PI16: variants seen among roughly 807,000 people sequenced by gnomAD.
PI16 encodes the protein peptidase inhibitor 16.
In PI16, 35 loss-of-function variants were observed where a neutral mutation model predicts 38.0. The observed-to-expected ratio is 0.92, with a 90% CI of 0.70 to 1.22. The LOEUF is 1.22. PI16 is among the 50% of genes most tolerant of loss of function. The pLI is 0.00. For missense variants in PI16, 572 were observed against 593.8 expected, an observed-to-expected ratio of 0.96 and a Z score of 0.38; for synonymous variants, 275 against 252.9, an observed-to-expected ratio of 1.09 and a Z score of -0.83.
intron 1 of PI16, among the ~76,000 whole-genome samples, chr6:36,956,970 C>T (rs1455251663): frequency 1.3e-5 from 2 of 152,180 alleles, no homozygotes; most frequent in South Asian, 2.1e-4. Context: ...CCCCTACCCC[C>T]TTCTCTTTTC....
Position 36,963,768 on chromosome 6 carries a change from G to A in PI16, c.1271-55G>A, listed in dbSNP as rs1763438675. The A allele has an allele frequency of 3.3e-6, 5 of 1,535,814 alleles. 1 individual carries two copies. The highest frequency in any genetic ancestry group is 2.5e-5 in the South Asian group (2 of 79,002). ...CACCTCCTTGCATGGTGGGGTGGGC[G>A]GGACATCAGGCACAGCTGTCTCTAG... On this transcript the variant is annotated intron_variant, in intron 5 of 6. Transcript: ENST00000373674.
intron 3 of PI16, 21 bp from the exon 4 acceptor site, chr6:36,961,865 C>T: frequency 3.1e-6 from 5 of 1,600,290 alleles, no homozygotes; most frequent in Non-Finnish European, 4.3e-6. Flanking sequence ...CTCCCCGCAG[C>T]ATCCTCCTGA....
At chr6:36,950,547 CT>C (rs147981491), upstream of PI16, among the ~76,000 whole-genome samples, 322 of 144,758 alleles carry the variant, frequency 2.2e-3, 1 homozygote, top group East Asian at 0.013. This position sits in a 1 kb window ranked among gnomAD's most constrained non-coding sequence, Gnocchi z 4.2. Flanking sequence ...TGAGTCCCTG[CT>C]TTTTTTTTTT....
rs1299683768 is a variant in PI16, at chr6:36,962,234, G to A, written c.592+260G>A. 6.6e-6 allele frequency among the ~76,000 whole-genome samples: 1 copy of A among 152,184 alleles called. No homozygotes were observed. Among genetic ancestry groups the A allele is most frequent in the African/African-American group, 2.4e-5 (1 of 41,456 alleles). ...CTGGCGGCTTCGGGGGGGCCCGCGCGAGGTGGGTGTCGCCACACTTTAGGG... is the reference window on the plus strand; with the variant it reads ...CTGGCGGCTTCGGGGGGGCCCGCGCAAGGTGGGTGTCGCCACACTTTAGGG... On this transcript the variant is annotated intron_variant, in intron 4 of 6. Transcript: ENST00000373674. The surrounding 1 kb of genome is among the most constrained non-coding windows in gnomAD (Gnocchi z 4.1).
At chr6:36,961,031 T>C (rs1386304680) in intron 2 of PI16, among the ~76,000 whole-genome samples, 2 of 152,178 alleles carry the variant, frequency 1.3e-5, no homozygotes, top group East Asian at 3.8e-4. Context: ...CTCCTCCTGC[T>C]CCCCTCCTTG....
chr6:36,952,997 C>T (rs187474794), upstream of PI16, among the ~76,000 whole-genome samples: 9 of 152,244 alleles, frequency 5.9e-5, no homozygotes, highest in African/African-American at 1.9e-4. Flanking sequence ...TGATTTTCAG[C>T]GTACAAGTCT....
chr6:36,960,325 ATGTGTGTGTGTGTG>A (rs10664545), intron 2 of PI16, among the ~76,000 whole-genome samples: 60 of 140,020 alleles, frequency 4.3e-4, no homozygotes, highest in South Asian at 2.5e-4. Flanking sequence ...TGCAGATAAG[ATGTGTGTGTGTGTG>A]TGTGTGTGTG....
In PI16 at chr6:36,961,905, C is replaced by T. The variant is rs376574639; in HGVS notation, c.523C>T (p.Arg175Trp). 1.1e-5 allele frequency: 18 copies of T among 1,614,054 alleles called. No individual in the cohort carries two copies. Among genetic ancestry groups the T allele is most frequent in the East Asian group, 2.2e-5 (1 of 44,866 alleles). Residue 175 changes from arginine to tryptophan, a missense_variant, in exon 4 of 7, where the codon CGG becomes TGG. By Grantham distance (101) the Arg-to-Trp change is moderately radical. Transcript: ENST00000373674. ...CTGTAGGGGGAACGTGAAGGGGAAACGGCCCTACCAGGAGGGGACTCCGTG... is the reference window on the plus strand; with the variant it reads ...CTGTAGGGGGAACGTGAAGGGGAAATGGCCCTACCAGGAGGGGACTCCGTG... ...YEPPGNVKGK[R>W]PYQEGTPCSQ... is the part of the protein sequence containing the mutation.
At chr6:36,961,348 G>T in intron 2 of PI16, 103 bp from the exon 3 acceptor site, 2 of 936,922 alleles carry the variant, frequency 2.1e-6, no homozygotes, top group Non-Finnish European at 1.7e-6. Context: ...CAGGCTATAG[G>T]GTGCCTCTTC....
chr6:36,949,000 G>A (rs963095990), intron 1 of PI16, among the ~76,000 whole-genome samples: 7 of 151,728 alleles, frequency 4.6e-5, no homozygotes, highest in African/African-American at 1.7e-4. Flanking sequence ...TCACCATGTT[G>A]GTTGGCCAGG....
At chr6:36,949,440 T>TG (rs1259648427) in intron 1 of PI16, among the ~76,000 whole-genome samples, 4 of 152,280 alleles carry the variant, frequency 2.6e-5, no homozygotes, top group African/African-American at 9.6e-5. Context: ...CCCTTATTTC[T>TG]ATCTCAAGCC....
At chr6:36,955,339 C>T (rs62406522) in intron 1 of PI16, among the ~76,000 whole-genome samples, 16,335 of 152,158 alleles carry the variant, frequency 0.11, 1,114 homozygotes, top group Middle Eastern at 0.21. Flanking sequence ...TTTGTGAAAA[C>T]GGTCTTTCAC....
chr6:36,962,895 T>C lies in PI16; in HGVS notation c.593-40T>C. 1 of 1,543,342 alleles carries C rather than the reference T, an allele frequency of 6.5e-7. No individual in the cohort carries two copies. The highest frequency in any genetic ancestry group is 8.8e-7 in the Non-Finnish European group (1 of 1,137,544). ...CAGTGCCATGAGAGATGTGGGGTCC[T>C]GCTTGCAGCACTCATGCCCGTTCTC... On this transcript the variant is annotated intron_variant, in intron 4 of 6. Coordinates refer to ENST00000373674, the MANE Select transcript of PI16 (RefSeq NM_153370.3). This position sits in a 1 kb window ranked among gnomAD's most constrained non-coding sequence, Gnocchi z 4.1.
At chr6:36,954,479 C>T (rs1309496722), upstream of PI16, 7 of 362,002 alleles carry the variant, frequency 1.9e-5, no homozygotes, top group Non-Finnish European at 3.0e-5. Flanking sequence ...TGTGATTTTG[C>T]CCCTGAAGGA....
At chr6:36,954,681 C>G, upstream of PI16, 1 of 1,521,644 alleles carries the variant, frequency 6.6e-7, no homozygotes, top group Non-Finnish European at 8.8e-7. Flanking sequence ...CCACCCCAGC[C>G]AGGGTGGTGC....
upstream of PI16, among the ~76,000 whole-genome samples, chr6:36,953,536 A>T (rs975403726): frequency 1.2e-4 from 18 of 149,696 alleles, no homozygotes; most frequent in South Asian, 3.2e-3. Flanking sequence ...GTGTGTGTGT[A>T]TGTGTGTGTA....
At chr6:36,963,741 C>T in intron 5 of PI16, 82 bp from the exon 6 acceptor site, 3 of 1,532,562 alleles carry the variant, frequency 2.0e-6, no homozygotes, top group Non-Finnish European at 2.6e-6. Context: ...TGGCTGCTGC[C>T]CCACCTCCTT....
chr6:36,951,092 A>G (rs1056657066), upstream of PI16, among the ~76,000 whole-genome samples: 3 of 152,144 alleles, frequency 2.0e-5, no homozygotes, highest in African/African-American at 7.2e-5. Flanking sequence ...ATTTCACTGT[A>G]TTTCCCTAAT....
chr6:36,963,495 G>A lies in PI16; in HGVS notation c.1153G>A (p.Ala385Thr), dbSNP rs142028285. 5 of 1,614,032 alleles carry A rather than the reference G, an allele frequency of 3.1e-6. No homozygotes were observed. Among genetic ancestry groups the A allele is most frequent in the Non-Finnish European group, 2.5e-6 (3 of 1,180,042 alleles). Reference protein sequence around the residue: ...PAQDKPGELQATLDHTGHTSS... With the variant: ...PAQDKPGELQTTLDHTGHTSS... ...CCAGGACAAGCCAGGTGAGCTGCAGGCCACACTGGACCACACGGGGCACAC... is the reference window on the plus strand; with the variant it reads ...CCAGGACAAGCCAGGTGAGCTGCAGACCACACTGGACCACACGGGGCACAC... Residue 385 changes from alanine to threonine, a missense_variant, in exon 5 of 7, where the codon GCC (alanine) becomes ACC (threonine). By Grantham distance (58) the Ala-to-Thr change is moderately conservative (BLOSUM62 0). Coordinates refer to ENST00000373674, the MANE Select transcript of PI16 (RefSeq NM_153370.3).
Sources: gnomAD v4.1 joint callset for allele counts (sites outside exome capture counted in the v4.1 genomes callset) on GRCh38, gnomAD v4.1.1 for gene constraint, Gnocchi (gnomAD v3.1) non-coding constraint, MANE v1.5 for transcripts, NCBI Gene and HGNC (gene_info 2026-07-23, HGNC 2026-07-21) for gene names.